The following ST18 variants were observed in gnomAD, a reference collection of about 807,000 sequenced individuals.
The protein encoded by ST18 is suppression of tumorigenicity 18 protein.
ST18 carries 50 observed loss-of-function variants against 110.0 expected under a neutral mutation model. The observed-to-expected ratio is 0.45, with a 90% CI of 0.36 to 0.58. The LOEUF is 0.58. Among genes scored for constraint, ST18 ranks in the 20% least tolerant of loss-of-function variants. ST18 has a pLI of 0.00. For synonymous variants in ST18, 461 were observed against 452.4 expected (o/e 1.02, Z -0.24); for missense variants, 1,306 against 1,280.1 (o/e 1.02, Z -0.31).
At chr8:52,126,006 G>T (rs766599796) in intron 23 of ST18, 46 bp downstream of exon 23, 21 of 1,539,402 alleles carry the variant, frequency 1.4e-5, no homozygotes, top group African/African-American at 2.7e-5. Context: ...GGGAGCCAGG[G>T]TCTACACCCT....
intron 16 of ST18, among the ~76,000 whole-genome samples, chr8:52,143,572 G>A (rs113043528): frequency 3.3e-5 from 5 of 152,282 alleles, no homozygotes; most frequent in African/African-American, 1.2e-4. Context: ...GAATGAAAAA[G>A]TGTAATTGAT....
intron 23 of ST18, among the ~76,000 whole-genome samples, chr8:52,119,902 G>C (rs1323461121): frequency 1.3e-5 from 2 of 152,208 alleles, no homozygotes; most frequent in South Asian, 2.1e-4. Flanking sequence ...TATAACTCTG[G>C]GCTCTAAGAT....
Position 52,125,887 on chromosome 8 carries a change from G to T in ST18, c.2755+165C>A, listed in dbSNP as rs568379312. 1.0e-5 allele frequency: 6 copies of T among 596,926 alleles called. No homozygotes were observed. In the Admixed American group the frequency reaches 1.0e-4, roughly 10 times the overall value. The allele number at this position is 596,926 out of a possible 1,614,324, so 37.0% of individuals were successfully genotyped here. On this transcript the variant is annotated intron_variant, in intron 23 of 25. Transcript: ENST00000689386. ...AAATAAGGAAAACACCAAAAAATTG[G>T]TTTTTAAACAAAGTTATAATTTTAG... is the stretch of plus-strand genomic sequence containing the variant.
Position 52,137,436 on chromosome 8 carries a change from T to A in ST18, c.2216A>T (p.Tyr739Phe). Residue 739 changes from tyrosine (Y) to phenylalanine (F), a missense_variant, in exon 18 of 26, where the codon TAT becomes TTT. By Grantham distance (22) the Tyr-to-Phe change is conservative. Coordinates refer to ENST00000689386, the MANE Select transcript of ST18 (RefSeq NM_001352837.2). ...CATTGGGTACCTGCGATGAGATGCA[T>A]AGTTTCCTGTCACGTGGCCACTTCC... Reference protein sequence around the residue: ...CDGSGHVTGNYASHRSVSGCP... With the variant: ...CDGSGHVTGNFASHRSVSGCP... 6.2e-7 allele frequency: 1 copy of A among 1,614,134 alleles called. No individual in the cohort carries two copies. Among genetic ancestry groups the A allele is most frequent in the Non-Finnish European group, 8.5e-7 (1 of 1,180,022 alleles).
intron 2 of ST18, among the ~76,000 whole-genome samples, chr8:52,288,411 T>TA (rs1415871567): frequency 6.6e-6 from 1 of 151,732 alleles, no homozygotes; most frequent in Non-Finnish European, 1.5e-5. Flanking sequence ...CTATTAAGAG[T>TA]ATTAATAGGC....
In ST18 at chr8:52,204,440, G is replaced by A. The variant is rs1273775067; in HGVS notation, c.86+7639C>T. On this transcript the variant is annotated intron_variant, in intron 8 of 25. Transcript: ENST00000689386. ...GGCGAGAGGGAGCCTTGGAGGCTGC[G>A]TTTCTAGTAAGCCCCCAGGGGATGC... 5.3e-5 allele frequency among the ~76,000 whole-genome samples: 8 copies of A among 152,296 alleles called. No homozygotes were observed. In the East Asian group the frequency reaches 7.7e-4, roughly 15 times the overall value.
chr8:52,244,940 C>G (rs1488832400), intron 2 of ST18, among the ~76,000 whole-genome samples: 2 of 152,142 alleles, frequency 1.3e-5, no homozygotes, highest in Non-Finnish European at 2.9e-5. Context: ...AGATCCAGGA[C>G]TCCGTAGATA....
intron 2 of ST18, among the ~76,000 whole-genome samples, chr8:52,388,664 G>T (rs1037570203): frequency 6.6e-6 from 1 of 151,944 alleles, no homozygotes; most frequent in African/African-American, 2.4e-5. Context: ...GGATGGAAGG[G>T]AATAGCGTAG....
intron 2 of ST18, among the ~76,000 whole-genome samples, chr8:52,341,039 T>G (rs1179076879): frequency 1.3e-5 from 2 of 152,298 alleles, no homozygotes; most frequent in South Asian, 4.1e-4. Flanking sequence ...CCCTAAATCA[T>G]GCTAAATACT....
At chr8:52,336,244 G>A (rs1256214100) in intron 2 of ST18, among the ~76,000 whole-genome samples, 3 of 152,060 alleles carry the variant, frequency 2.0e-5, no homozygotes, top group African/African-American at 7.2e-5. Flanking sequence ...TGCCTTCCGG[G>A]TTCAAGCGAT....
intron 2 of ST18, among the ~76,000 whole-genome samples, chr8:52,367,271 A>ACACACACACACACACACACAC (rs760192022): frequency 3.0e-4 from 3 of 9,850 alleles, no homozygotes; most frequent in Non-Finnish European, 7.2e-4. Context: ...CACACACACA[A>ACACACACACACACACACACAC]AGATTTTACC....
intron 17 of ST18, chr8:52,137,873 AG>A (rs1228015459): frequency 5.7e-6 from 1 of 175,546 alleles, no homozygotes; most frequent in Non-Finnish European, 1.2e-5. Context: ...AGGCCAAGGC[AG>A]GTGGATCACC....
At chr8:52,228,913 G>C (rs1298891325) in intron 3 of ST18, among the ~76,000 whole-genome samples, 1 of 152,032 alleles carries the variant, frequency 6.6e-6, no homozygotes, top group East Asian at 1.9e-4. Context: ...TCACTAAAAA[G>C]TCCAATAAAG....
chr8:52,403,198 T>C (rs900119869), intron 2 of ST18: 1 of 152,240 alleles, frequency 6.6e-6, no homozygotes, highest in Non-Finnish European at 1.5e-5. Context: ...AATGTTGCAC[T>C]ACCATGTTTG....
chr8:52,321,492 A>G (rs1189942201), intron 2 of ST18, among the ~76,000 whole-genome samples: 1 of 152,230 alleles, frequency 6.6e-6, no homozygotes, highest in Non-Finnish European at 1.5e-5. Context: ...GACAATGGCC[A>G]CCAAGTGCAA....
intron 2 of ST18, among the ~76,000 whole-genome samples, chr8:52,276,836 G>A (rs567805940): frequency 2.0e-5 from 3 of 149,758 alleles, no homozygotes; most frequent in African/African-American, 4.9e-5. Context: ...GTGCGATCTC[G>A]GCTCACTGCA....
intron 8 of ST18, among the ~76,000 whole-genome samples, chr8:52,202,116 A>G (rs1407218178): frequency 6.6e-6 from 1 of 152,252 alleles, no homozygotes; most frequent in Non-Finnish European, 1.5e-5. Context: ...TCACAATAAA[A>G]TAAAATTTTC....
intron 2 of ST18, among the ~76,000 whole-genome samples, chr8:52,346,008 T>C (rs1406200170): frequency 6.6e-6 from 1 of 151,784 alleles, no homozygotes; most frequent in Non-Finnish European, 1.5e-5. Context: ...AAGAGAAAGA[T>C]CAAATATATC....
At chr8:52,238,106 T>C (rs1272286061) in intron 2 of ST18, among the ~76,000 whole-genome samples, 2 of 152,218 alleles carry the variant, frequency 1.3e-5, no homozygotes. Flanking sequence ...CTTCACATGT[T>C]GCTAGTAGAA....
Sources: gnomAD v4.1 joint callset for allele counts (sites outside exome capture counted in the v4.1 genomes callset) on GRCh38, gnomAD v4.1.1 for gene constraint, MANE v1.5 for transcripts, NCBI Gene and HGNC (gene_info 2026-07-23, HGNC 2026-07-21) for gene names.